RPS17: variants seen among roughly 807,000 people sequenced by gnomAD.
The protein encoded by RPS17 is ribosomal protein S17, also known as small ribosomal subunit protein eS17.
For missense variants in RPS17, 68 were observed against 182.3 expected, an observed-to-expected ratio of 0.37 and a Z score of 3.61; for synonymous variants, 75 against 65.6, an observed-to-expected ratio of 1.14 and a Z score of -0.70.
chr15:82,537,464 C>T (rs1021160877), intron 4 of RPS17: 56 of 285,562 alleles, frequency 2.0e-4, no homozygotes, highest in African/African-American at 1.0e-3. Context: ...CCCAAGTACA[C>T]AAGGCATCAA....
chr15:82,537,526 G>A (rs2034262119), intron 4 of RPS17: 1 of 315,768 alleles, frequency 3.2e-6, no homozygotes, highest in South Asian at 2.7e-5. Context: ...AGTTCAGGCT[G>A]GTAGGCAGGG....
At chr15:82,537,713 T>C in intron 4 of RPS17, 2 of 383,440 alleles carry the variant, frequency 5.2e-6, no homozygotes, top group Non-Finnish European at 1.0e-5. Context: ...GGAAAGTACA[T>C]GTGAGTTCAT....
chr15:82,539,903 G>A, intron 2 of RPS17, 78 bp downstream of exon 2: 4 of 1,608,782 alleles, frequency 2.5e-6, no homozygotes, highest in Middle Eastern at 2.3e-4. Flanking sequence ...CCAAGGCACC[G>A]TCTCTTCCCG....
At chr15:82,540,365 G>T in intron 1 of RPS17, 61 bp downstream of exon 1, 1 of 1,586,004 alleles carries the variant, frequency 6.3e-7, no homozygotes, top group Non-Finnish European at 8.6e-7. Context: ...GCTGAGGACC[G>T]CGGGAAGCTG....
At chr15:82,537,754 A>G in intron 4 of RPS17, 1 of 423,826 alleles carries the variant, frequency 2.4e-6, no homozygotes, top group East Asian at 7.0e-5. Flanking sequence ...TGTCTTAAAC[A>G]TTTAATGACC....
intron 2 of RPS17, 190 bp from the exon 3 acceptor site, chr15:82,539,175 TCA>T (rs2034295493): frequency 4.2e-6 from 3 of 707,036 alleles, no homozygotes; most frequent in East Asian, 2.7e-5. Context: ...CCTTGGTTTC[TCA>T]CTCTCTATTC....
At chr15:82,540,321 C>T (rs978843056) in intron 1 of RPS17, 105 bp downstream of exon 1, 1 of 1,581,318 alleles carries the variant, frequency 6.3e-7, no homozygotes, top group South Asian at 1.1e-5. Flanking sequence ...CCTGACAGGG[C>T]TCTGCGCCTT....
intron 4 of RPS17, chr15:82,538,012 G>A: frequency 2.0e-6 from 1 of 493,088 alleles, no homozygotes; most frequent in South Asian, 1.5e-5. Flanking sequence ...GATTCAGCCA[G>A]GGCTGACACA....
chr15:82,538,824 C>T, intron 3 of RPS17, 56 bp downstream of exon 3: 1 of 1,568,010 alleles, frequency 6.4e-7, no homozygotes, highest in Non-Finnish European at 8.8e-7. Context: ...AAGCCAAGAA[C>T]CCATAGCTTT....
At chr15:82,539,737 C>A in intron 2 of RPS17, 1 of 655,564 alleles carries the variant, frequency 1.5e-6, no homozygotes, top group Non-Finnish European at 2.7e-6. Flanking sequence ...CTAAAAGCAA[C>A]GTAGCTTCAA....
chr15:82,537,348 C>T (rs1272823458), intron 4 of RPS17: 2 of 281,468 alleles, frequency 7.1e-6, no homozygotes, highest in Non-Finnish European at 1.4e-5. Flanking sequence ...TGCCAAATGT[C>T]CTCTAAAGCA....
intron 1 of RPS17, 121 bp from the exon 2 acceptor site, chr15:82,540,253 G>T: frequency 6.2e-7 from 1 of 1,605,598 alleles, no homozygotes; most frequent in South Asian, 1.1e-5. Context: ...AGAGGGCCCG[G>T]CTAAACAGTG....
chr15:82,540,423 T>C lies in RPS17; in HGVS notation c.3+3A>G, dbSNP rs1161696842. 3 of 1,596,342 alleles carry C rather than the reference T, an allele frequency of 1.9e-6. No homozygotes were observed. The highest frequency in any genetic ancestry group is 1.1e-5 in the South Asian group (1 of 87,954). On this transcript the variant is annotated splice_donor_region_variant and intron_variant, in intron 1 of 4. Transcript: ENST00000647841. Reference sequence around the variant, plus strand: ...GATGGCGGCCTCGAGCCAAAACACCTACCATGTTGGCGGGTCCTTGGTAAA... The same window carrying C: ...GATGGCGGCCTCGAGCCAAAACACCCACCATGTTGGCGGGTCCTTGGTAAA...
chr15:82,538,234 C>A (rs1248790393), intron 4 of RPS17, 72 bp downstream of exon 4: 70 of 1,550,294 alleles, frequency 4.5e-5, no homozygotes, highest in Non-Finnish European at 6.1e-5. Flanking sequence ...AGCTGGGTGA[C>A]CTTGGATAAT....
Position 82,540,410 on chromosome 15 carries a change from G to C in RPS17, c.3+16C>G. On this transcript the variant is annotated intron_variant, in intron 1 of 4. Transcript: ENST00000647841. ...GACGATTGTGGAGGATGGCGGCCTC[G>C]AGCCAAAACACCTACCATGTTGGCG... 2.5e-6 allele frequency: 4 copies of C among 1,595,118 alleles called. No homozygotes were observed. Among genetic ancestry groups the C allele is most frequent in the Non-Finnish European group, 3.4e-6 (4 of 1,172,168 alleles).
At chr15:82,538,542 T>C in intron 3 of RPS17, 171 bp from the exon 4 acceptor site, 1 of 783,538 alleles carries the variant, frequency 1.3e-6, no homozygotes, top group South Asian at 1.5e-5. Flanking sequence ...TGACCTGTTC[T>C]TCTGGCCTTA....
rs1266839545 is a variant in RPS17 at position 82,539,223 on chromosome 15, C to T, written c.156-238G>A. ...TCATGATGATCAAGCGCCCCACCCC[C>T]AACTCGCCCCGCCCCGCCCCGCAGT... On this transcript the variant is annotated intron_variant, in intron 2 of 4. Transcript: ENST00000647841. 13 of 666,018 alleles carry T rather than the reference C, an allele frequency of 2.0e-5. 1 individual carries two copies. The highest frequency in any genetic ancestry group is 3.5e-5 in the African/African-American group (2 of 56,344). The allele number at this position is 666,018 out of a possible 1,614,324, so 41.3% of individuals were successfully genotyped here.
At chr15:82,538,394 C>CA in intron 3 of RPS17, 23 bp from the exon 4 acceptor site, 2 of 1,610,642 alleles carry the variant, frequency 1.2e-6, no homozygotes, top group Non-Finnish European at 1.7e-6. Context: ...GAGGTAGGGT[C>CA]AAAATACCAA....
intron 2 of RPS17, chr15:82,539,704 A>G: frequency 1.7e-6 from 1 of 585,460 alleles, no homozygotes; most frequent in Admixed American, 3.0e-5. Context: ...AAAAAGAAAA[A>G]AAAGAAAGAA....
Sources: gnomAD v4.1 joint callset for allele counts on GRCh38, gnomAD v4.1.1 for gene constraint, MANE v1.5 for transcripts, NCBI Gene and HGNC (gene_info 2026-07-23, HGNC 2026-07-21) for gene names.